PHYHIPL: variants seen among roughly 807,000 people sequenced by gnomAD.
The protein encoded by PHYHIPL is phytanoyl-CoA 2-hydroxylase interacting protein like.
A neutral mutation model predicts 33.4 loss-of-function variants in PHYHIPL; 9 were observed. The ratio of observed to expected loss-of-function variants is 0.27; its 90% CI spans 0.16 to 0.47. The LOEUF (loss-of-function observed/expected upper bound fraction) is 0.47. PHYHIPL is among the 20% of genes least tolerant of loss of function. The pLI is 0.99. For synonymous variants in PHYHIPL, 153 were observed against 154.1 expected, an observed-to-expected ratio of 0.99 and a Z score of 0.05; for missense variants, 365 against 460.7, an observed-to-expected ratio of 0.79 and a Z score of 1.90.
chr10:59,208,016 C>T (rs949603810), intron 1 of PHYHIPL, among the ~76,000 whole-genome samples: 1 of 152,156 alleles, frequency 6.6e-6, no homozygotes, highest in South Asian at 2.1e-4. Context: ...TTAAATGTTC[C>T]TGCCTGCCAA....
At chr10:59,214,540 A>G (rs1232605380) in intron 1 of PHYHIPL, among the ~76,000 whole-genome samples, 2 of 152,050 alleles carry the variant, frequency 1.3e-5, no homozygotes, top group Non-Finnish European at 2.9e-5. Context: ...TGAGTCTGTT[A>G]TGTGTGTATT....
intron 1 of PHYHIPL, among the ~76,000 whole-genome samples, chr10:59,186,092 G>A (rs1358710413): frequency 1.3e-5 from 2 of 152,084 alleles, no homozygotes; most frequent in Non-Finnish European, 2.9e-5. Flanking sequence ...GGTTTTTATG[G>A]TTTTAGGTCT....
chr10:59,234,203 A>G, intron 1 of PHYHIPL, 101 bp from the exon 2 acceptor site: 1 of 903,814 alleles, frequency 1.1e-6, no homozygotes, highest in Non-Finnish European at 1.6e-6. Flanking sequence ...GATAAGGAGT[A>G]AGTCATCTCT....
At chr10:59,232,882 GT>G (rs927307990) in intron 1 of PHYHIPL, among the ~76,000 whole-genome samples, 4 of 151,826 alleles carry the variant, frequency 2.6e-5, no homozygotes, top group African/African-American at 9.7e-5. Flanking sequence ...TTGTTTGAGT[GT>G]TTTTTGCCTT....
chr10:59,232,395 T>TG (rs775538636), intron 1 of PHYHIPL, among the ~76,000 whole-genome samples: 7 of 151,916 alleles, frequency 4.6e-5, no homozygotes, highest in Non-Finnish European at 8.8e-5. Flanking sequence ...TTGTTCCCAA[T>TG]GGGAAAAATA....
intron 1 of PHYHIPL, among the ~76,000 whole-genome samples, chr10:59,212,937 T>G (rs900023033): frequency 6.6e-6 from 1 of 152,168 alleles, no homozygotes; most frequent in Non-Finnish European, 1.5e-5. Context: ...ATGTAATGAT[T>G]CTATTTGACT....
At chr10:59,228,557 T>C (rs1048355410) in intron 1 of PHYHIPL, among the ~76,000 whole-genome samples, 14 of 152,146 alleles carry the variant, frequency 9.2e-5, no homozygotes, top group Non-Finnish European at 1.6e-4. Context: ...CTCAGCATAC[T>C]GCATCTCTGA....
At position 59,177,384 on chromosome 10, in the gene PHYHIPL, C is replaced by T. The variant is rs1589252579; in HGVS notation, c.106+425C>T. 5 of 1,303,300 alleles carry T rather than the reference C, an allele frequency of 3.8e-6. No individual in the cohort carries two copies. The East Asian group carries it at 1.0e-4, about 26-fold the overall frequency. The allele number at this position is 1,303,300 out of a possible 1,614,324, so 80.7% of individuals were successfully genotyped here. A position where few individuals can be genotyped will look rare whatever the true frequency, so the allele number is the denominator to read the frequency against. On this transcript the variant is annotated intron_variant, in intron 1 of 4. Coordinates refer to ENST00000373880, the MANE Select transcript of PHYHIPL (RefSeq NM_032439.4). ...ACACACACACACTAGTTGGCATTCT[C>T]TTCCAGAAACTTATCATTTTCTTTT...
chr10:59,238,346 A>G (rs1396036256), intron 3 of PHYHIPL, among the ~76,000 whole-genome samples: 1 of 151,998 alleles, frequency 6.6e-6, no homozygotes, highest in Non-Finnish European at 1.5e-5. Flanking sequence ...CTCTAATTTC[A>G]AAAAATGGAA....
At chr10:59,177,581 G>T in intron 1 of PHYHIPL, 1 of 1,551,604 alleles carries the variant, frequency 6.4e-7, no homozygotes, top group Non-Finnish European at 8.7e-7. Context: ...CGAAAATATT[G>T]GCCTAATATA....
chr10:59,247,759 G>A lies in PHYHIPL; in HGVS notation c.*2168G>A. On this transcript the variant is annotated 3_prime_UTR_variant, in exon 5 of 5. Transcript: ENST00000373880. Reference sequence around the variant, plus strand: ...ACTTCTGCAAAACAAAAATACATTTGTTAGTTCACAATGAATCAAGTCATT... The same window carrying A: ...ACTTCTGCAAAACAAAAATACATTTATTAGTTCACAATGAATCAAGTCATT... 1 of 1,603,488 alleles carries A rather than the reference G, an allele frequency of 6.2e-7. No individual in the cohort carries two copies. The highest frequency in any genetic ancestry group is 8.5e-7 in the Non-Finnish European group (1 of 1,174,450).
chr10:59,245,311 T>G lies in PHYHIPL; in HGVS notation c.851T>G (p.Val284Gly). 6.2e-7 allele frequency: 1 copy of G among 1,614,184 alleles called. No individual in the cohort carries two copies. Among genetic ancestry groups the G allele is most frequent in the Non-Finnish European group, 8.5e-7 (1 of 1,180,024 alleles). Residue 284 changes from valine to glycine, a missense_variant, in exon 5 of 5, where the codon GTT becomes GGT. Physicochemically the swap from Val to Gly is moderately radical, Grantham distance 109. This residue lies in a region of PHYHIPL where 196 missense variants were observed against 224.9 expected (regional missense o/e 0.87). Coordinates refer to ENST00000373880, the MANE Select transcript of PHYHIPL (RefSeq NM_032439.4). ...MYTAYHYVIL[V>G]IAPVGSPGDE... ...ACTGCTTATCATTATGTGATTCTTG[T>G]TATTGCTCCTGTGGGATCACCAGGA...
chr10:59,199,469 A>G (rs981870308), intron 1 of PHYHIPL, among the ~76,000 whole-genome samples: 1 of 152,238 alleles, frequency 6.6e-6, no homozygotes, highest in East Asian at 1.9e-4. Context: ...GCCTTGTAGT[A>G]TAGTTTGAAG....
Position 59,238,576 on chromosome 10 carries a change from G to A in PHYHIPL, c.479-12G>A, listed in dbSNP as rs1466838565. Reference sequence around the variant, plus strand: ...AATATTTTTAATAACAGACTTTTTGGGTTTTTTCCAGACTATTCAAAAGTT... The same window carrying A: ...AATATTTTTAATAACAGACTTTTTGAGTTTTTTCCAGACTATTCAAAAGTT... On this transcript the variant is annotated splice_polypyrimidine_tract_variant and intron_variant, in intron 3 of 4. Coordinates refer to ENST00000373880, the MANE Select transcript of PHYHIPL (RefSeq NM_032439.4). 1 of 1,496,596 alleles carries A rather than the reference G, an allele frequency of 6.7e-7. No individual in the cohort carries two copies. The highest frequency in any genetic ancestry group is 2.3e-5 in the East Asian group (1 of 44,160). 92.7% of individuals were successfully genotyped at this position (1,496,596 alleles called of 1,614,324 possible). A position where few individuals can be genotyped will look rare whatever the true frequency, so the allele number is the denominator to read the frequency against.
At chr10:59,230,363 G>GC (rs1156711446) in intron 1 of PHYHIPL, among the ~76,000 whole-genome samples, 1 of 151,892 alleles carries the variant, frequency 6.6e-6, no homozygotes, top group African/African-American at 2.4e-5. Flanking sequence ...ACAGGCATGT[G>GC]CCACCACATC....
intron 1 of PHYHIPL, among the ~76,000 whole-genome samples, chr10:59,204,022 C>T (rs16913297): frequency 0.021 from 3,253 of 152,196 alleles, 133 homozygotes; most frequent in African/African-American, 0.074. Flanking sequence ...TAAAGGATTA[C>T]ATGTTGTTAC....
intron 1 of PHYHIPL, among the ~76,000 whole-genome samples, chr10:59,231,722 A>G (rs923476019): frequency 4.6e-5 from 7 of 152,108 alleles, no homozygotes; most frequent in Non-Finnish European, 1.0e-4. Flanking sequence ...GATCTTACAA[A>G]TCTATCTCTA....
chr10:59,210,531 A>C (rs981565355), intron 1 of PHYHIPL, among the ~76,000 whole-genome samples: 3 of 152,238 alleles, frequency 2.0e-5, no homozygotes, highest in Non-Finnish European at 4.4e-5. Flanking sequence ...TTCCTCAAGG[A>C]TCTAGAACCA....
chr10:59,193,285 C>T (rs1272093324), intron 1 of PHYHIPL, among the ~76,000 whole-genome samples: 1 of 152,136 alleles, frequency 6.6e-6, no homozygotes, highest in Non-Finnish European at 1.5e-5. Flanking sequence ...TGATAGATTT[C>T]TCCCCCTTAT....
Sources: gnomAD v4.1 joint callset for allele counts (sites outside exome capture counted in the v4.1 genomes callset) on GRCh38, gnomAD v4.1.1 for gene constraint, gnomAD v4.1.1 regional missense constraint, MANE v1.5 for transcripts, NCBI Gene and HGNC (gene_info 2026-07-23, HGNC 2026-07-21) for gene names.